JAK1: variants seen among roughly 807,000 people sequenced by gnomAD.
The protein encoded by JAK1 is Janus kinase 1.
In JAK1, 16 loss-of-function variants were observed where a neutral mutation model predicts 136.6. The ratio of observed to expected loss-of-function variants is 0.12; its 90% CI spans 0.08 to 0.18. The LOEUF is 0.18. JAK1 is among the 10% of genes least tolerant of loss of function. The probability of loss-of-function intolerance (pLI) is 1.00; values close to 1 mark genes in which losing one functional copy is unlikely to be tolerated. For missense variants in JAK1, 859 were observed against 1,450.1 expected (o/e 0.59, Z 6.62); for synonymous variants, 492 against 519.5 (o/e 0.95, Z 0.72).
intron 2 of JAK1, among the ~76,000 whole-genome samples, chr1:65,014,638 A>G (rs1646877255): frequency 6.6e-6 from 1 of 151,956 alleles, no homozygotes; most frequent in African/African-American, 2.4e-5. Context: ...CAATACAATA[A>G]CACACTCCAT....
At position 65,053,900 on chromosome 1, in the gene JAK1, C is replaced by G. The variant is rs375800871; in HGVS notation, c.-180-9318G>C. Among the ~76,000 whole-genome samples, 3 of 152,176 alleles carry G rather than the reference C, an allele frequency of 2.0e-5. 1 individual carries two copies. Among genetic ancestry groups the G allele is most frequent in the African/African-American group, 7.2e-5 (3 of 41,432 alleles). ...GTTATTCAGAGAAGCTAGAAATGTACTAGGCATAGCAAAATATTTGAAATT... is the reference window on the plus strand; with the variant it reads ...GTTATTCAGAGAAGCTAGAAATGTAGTAGGCATAGCAAAATATTTGAAATT... On this transcript the variant is annotated intron_variant, in intron 1 of 25. Coordinates refer to the JAK1 transcript ENST00000671954.
chr1:64,970,633 A>T (rs1646443152), upstream of JAK1, among the ~76,000 whole-genome samples: 1 of 151,676 alleles, frequency 6.6e-6, no homozygotes, highest in Admixed American at 6.6e-5. Flanking sequence ...GCGTGGTGGC[A>T]TGCACCTGTA....
chr1:64,839,350 A>C (rs922763896), intron 20 of JAK1: 1 of 387,450 alleles, frequency 2.6e-6, no homozygotes, highest in African/African-American at 2.1e-5. Context: ...TTCATAAGGC[A>C]TAAGTGCAAG....
In JAK1 at chr1:64,834,379, G is replaced by C; in HGVS notation, c.*183C>G. 2.2e-6 allele frequency: 1 copy of C among 460,684 alleles called. No individual in the cohort carries two copies. Among genetic ancestry groups the C allele is most frequent in the Non-Finnish European group, 4.0e-6 (1 of 252,878 alleles). The allele number at this position is 460,684 out of a possible 1,614,324, so 28.5% of individuals were successfully genotyped here. A position where few individuals can be genotyped will look rare whatever the true frequency, so the allele number is the denominator to read the frequency against. On this transcript the variant is annotated 3_prime_UTR_variant, in exon 25 of 25. Coordinates refer to ENST00000342505, the MANE Select transcript of JAK1 (RefSeq NM_002227.4). ...TACTGGTACCAAATTTAAAGAGGAA[G>C]TCCTTACACATATTAAGCACTACAG...
At chr1:64,982,446 C>T (rs1351265572) in intron 2 of JAK1, among the ~76,000 whole-genome samples, 1 of 152,228 alleles carries the variant, frequency 6.6e-6, no homozygotes, top group African/African-American at 2.4e-5. Context: ...CCCTTCTCCA[C>T]AGTAACTACC....
At chr1:64,993,292 T>G (rs970773789) in intron 2 of JAK1, 1 of 152,256 alleles carries the variant, frequency 6.6e-6, no homozygotes, top group African/African-American at 2.4e-5. Flanking sequence ...TATTCATTCT[T>G]GGCTCTGTCC....
chr1:65,037,733 A>T (rs1383738094), intron 2 of JAK1, among the ~76,000 whole-genome samples: 1 of 152,100 alleles, frequency 6.6e-6, no homozygotes, highest in East Asian at 1.9e-4. Context: ...GAGTGGTGGC[A>T]TGTGCCTATA....
intron 1 of JAK1, among the ~76,000 whole-genome samples, chr1:64,944,622 C>CATGT (rs2100539384): frequency 6.6e-6 from 1 of 152,248 alleles, no homozygotes; most frequent in South Asian, 2.1e-4. Flanking sequence ...CTACACAAAA[C>CATGT]ATGTGCATGT....
intron 2 of JAK1, among the ~76,000 whole-genome samples, chr1:64,991,110 C>T (rs1478531864): frequency 6.6e-6 from 1 of 151,528 alleles, no homozygotes; most frequent in Non-Finnish European, 1.5e-5. Flanking sequence ...AGTGTATGAA[C>T]AAAATGAGAA....
chr1:64,963,807 G>C (rs1557730511), intron 1 of JAK1, among the ~76,000 whole-genome samples: 1 of 152,106 alleles, frequency 6.6e-6, no homozygotes, highest in Non-Finnish European at 1.5e-5. Flanking sequence ...TCCAAAGCAG[G>C]ACTTCTTAAC....
intron 2 of JAK1, among the ~76,000 whole-genome samples, chr1:65,028,091 A>G (rs1055176346): frequency 1.3e-5 from 2 of 152,124 alleles, no homozygotes; most frequent in African/African-American, 4.8e-5. Context: ...CAGTAAGTCA[A>G]TCTATGCCTT....
At chr1:64,873,668 C>A (rs1394660011) in intron 4 of JAK1, 145 bp from the exon 5 acceptor site, 2 of 802,246 alleles carry the variant, frequency 2.5e-6, no homozygotes, top group African/African-American at 3.4e-5. Context: ...TAGCCCCTCA[C>A]CATCTCTTTC....
At chr1:65,054,949 G>A (rs901359958) in intron 1 of JAK1, among the ~76,000 whole-genome samples, 3 of 152,202 alleles carry the variant, frequency 2.0e-5, no homozygotes, top group Admixed American at 6.5e-5. Flanking sequence ...AACTAAGGGA[G>A]AGCAGAGAAA....
chr1:65,047,339 G>A (rs1647193303), intron 1 of JAK1, among the ~76,000 whole-genome samples: 1 of 152,118 alleles, frequency 6.6e-6, no homozygotes, highest in Non-Finnish European at 1.5e-5. Context: ...TCTGTAAATG[G>A]GATGATATTT....
At chr1:65,012,409 T>C (rs979556574) in intron 2 of JAK1, among the ~76,000 whole-genome samples, 3 of 152,196 alleles carry the variant, frequency 2.0e-5, no homozygotes, top group African/African-American at 4.8e-5. Flanking sequence ...CACCTGACTA[T>C]GGAAACTGAC....
At chr1:65,033,725 C>CAAAAAAAAAAAAAAA in intron 2 of JAK1, among the ~76,000 whole-genome samples, 1 of 89,226 alleles carries the variant, frequency 1.1e-5, no homozygotes, top group African/African-American at 4.1e-5. Context: ...CCCGTAGTAC[C>CAAAAAAAAAAAAAAA]AAAAAAAAAA....
At chr1:64,852,037 T>G (rs1655632293) in intron 11 of JAK1, among the ~76,000 whole-genome samples, 2 of 152,274 alleles carry the variant, frequency 1.3e-5, no homozygotes, top group South Asian at 4.2e-4. Flanking sequence ...GAGCGCCGGG[T>G]CCCTGCACAG....
chr1:64,838,423 G>A, intron 21 of JAK1, 42 bp downstream of exon 21: 1 of 1,601,856 alleles, frequency 6.2e-7, no homozygotes, highest in Non-Finnish European at 8.5e-7. Context: ...AGGACAGAGT[G>A]CCTGATGTCT....
chr1:65,048,101 C>A (rs1300550296), intron 1 of JAK1, among the ~76,000 whole-genome samples: 1 of 152,098 alleles, frequency 6.6e-6, no homozygotes, highest in African/African-American at 2.4e-5. Flanking sequence ...ATGTTGTTTG[C>A]AGGTGGAAGA....
Sources: gnomAD v4.1 joint callset for allele counts (sites outside exome capture counted in the v4.1 genomes callset) on GRCh38, gnomAD v4.1.1 for gene constraint, MANE v1.5 for transcripts, NCBI Gene and HGNC (gene_info 2026-07-23, HGNC 2026-07-21) for gene names.